ACOT7: variants seen among roughly 807,000 people sequenced by gnomAD.
The protein encoded by ACOT7 is cytosolic acyl coenzyme A thioester hydrolase.
A neutral mutation model predicts 40.2 loss-of-function variants in ACOT7; 12 were observed. The observed-to-expected ratio is 0.30, with a 90% CI of 0.19 to 0.48. The LOEUF (loss-of-function observed/expected upper bound fraction) is 0.48, where lower values mean the gene tolerates loss of function less well. Among genes scored for constraint, ACOT7 ranks in the 20% least tolerant of loss-of-function variants. The pLI is 0.99. For missense variants in ACOT7, 395 were observed against 530.8 expected (o/e 0.74, Z 2.51); for synonymous variants, 228 against 219.5 (o/e 1.04, Z -0.34).
At chr1:6,385,593 C>A in intron 1 of ACOT7, 1 of 1,612,224 alleles carries the variant, frequency 6.2e-7, no homozygotes, top group Non-Finnish European at 8.5e-7. Flanking sequence ...ACATCCCTGG[C>A]CAGCCACCAG....
At chr1:6,372,044 CAAA>C (rs35430188) in intron 1 of ACOT7, among the ~76,000 whole-genome samples, 7 of 130,338 alleles carry the variant, frequency 5.4e-5, no homozygotes, top group Admixed American at 8.0e-5. Flanking sequence ...AACTCTGTGT[CAAA>C]AAAAAAAAAA....
chr1:6,334,747 G>A (rs1333860277), intron 3 of ACOT7, among the ~76,000 whole-genome samples: 1 of 152,224 alleles, frequency 6.6e-6, no homozygotes, highest in Non-Finnish European at 1.5e-5. Flanking sequence ...AAGGAGCCTA[G>A]AGATCCCTGG....
chr1:6,360,602 G>A (rs774970129), intron 1 of ACOT7: 12 of 1,614,062 alleles, frequency 7.4e-6, no homozygotes, highest in South Asian at 2.2e-5. Flanking sequence ...AGGCCCTGTC[G>A]ACTTCCTTTC....
At chr1:6,308,874 A>T (rs1427924045) in intron 6 of ACOT7, among the ~76,000 whole-genome samples, 2 of 151,134 alleles carry the variant, frequency 1.3e-5, no homozygotes, top group Non-Finnish European at 3.0e-5. Context: ...CAGCCAGTAC[A>T]TCTCCCCAGA....
chr1:6,374,668 G>T (rs1642192851), intron 1 of ACOT7, among the ~76,000 whole-genome samples: 1 of 152,156 alleles, frequency 6.6e-6, no homozygotes, highest in Non-Finnish European at 1.5e-5. Context: ...ACACCCCTAG[G>T]TCACTGCGCC....
intron 8 of ACOT7, among the ~76,000 whole-genome samples, chr1:6,266,224 G>T (rs1638849015): frequency 6.6e-6 from 1 of 152,200 alleles, no homozygotes; most frequent in African/African-American, 2.4e-5. Context: ...ACCTGAAACA[G>T]TCCAGGGAAA....
intron 1 of ACOT7, among the ~76,000 whole-genome samples, chr1:6,386,817 C>G (rs553082106): frequency 9.8e-4 from 150 of 152,328 alleles, no homozygotes; most frequent in African/African-American, 3.4e-3. Context: ...CATGATTGCA[C>G]CACTGCACCA....
chr1:6,281,376 C>T (rs1280781837), intron 7 of ACOT7, 90 bp from the exon 8 acceptor site: 1 of 1,184,402 alleles, frequency 8.4e-7, no homozygotes, highest in Non-Finnish European at 1.2e-6. Flanking sequence ...CAGGCAGACA[C>T]TTGGTTAGGG....
chr1:6,314,684 T>C (rs1272623992), intron 6 of ACOT7, among the ~76,000 whole-genome samples: 2 of 152,086 alleles, frequency 1.3e-5, no homozygotes, highest in Admixed American at 6.6e-5. Context: ...ATGGAGTGAC[T>C]CACTCAGGAC....
chr1:6,382,762 C>T (rs2148481068), intron 1 of ACOT7, among the ~76,000 whole-genome samples: 1 of 151,962 alleles, frequency 6.6e-6, no homozygotes, highest in South Asian at 2.1e-4. Context: ...ACCGAGACTG[C>T]ACCACCACAT....
intron 2 of ACOT7, among the ~76,000 whole-genome samples, chr1:6,346,732 G>C (rs908960995): frequency 1.3e-5 from 2 of 152,230 alleles, no homozygotes; most frequent in Admixed American, 6.5e-5. Context: ...CTGCTGCAGT[G>C]ATCAGGTGAT....
At position 6,367,225 on chromosome 1, in the gene ACOT7, T is replaced by C. The variant is rs1052352314; in HGVS notation, c.144-17359A>G. ...AAAAAAAAAAAAAAAGTGGAGTCAG[T>C]CCTCTTAAAACCTATGTTGTTTTAT... On this transcript the variant is annotated intron_variant, in intron 1 of 8. Coordinates refer to ENST00000361521, the MANE Select transcript of ACOT7 (RefSeq NM_007274.4). 3.3e-4 allele frequency among the ~76,000 whole-genome samples: 50 copies of C among 151,450 alleles called. 1 individual carries two copies. The highest frequency in any genetic ancestry group is 1.3e-4 in the Non-Finnish European group (9 of 67,902).
At chr1:6,320,119 G>A (rs1027351480) in intron 5 of ACOT7, among the ~76,000 whole-genome samples, 12 of 152,226 alleles carry the variant, frequency 7.9e-5, no homozygotes, top group African/African-American at 2.9e-4. Context: ...CTTTGCCTCA[G>A]TTTCCTCAGC....
intron 7 of ACOT7, among the ~76,000 whole-genome samples, chr1:6,293,262 T>G (rs1571277915): frequency 6.6e-6 from 1 of 152,208 alleles, no homozygotes. Flanking sequence ...TCCTATGGAA[T>G]GCACGTTTCC....
intron 6 of ACOT7, among the ~76,000 whole-genome samples, chr1:6,309,142 G>T (rs763063289): frequency 6.6e-6 from 1 of 152,246 alleles, no homozygotes. Flanking sequence ...CTCGGCAGCA[G>T]AGGCCGAGTC....
At chr1:6,318,425 C>G (rs983324631) in intron 6 of ACOT7, 67 bp downstream of exon 6, 5 of 1,519,332 alleles carry the variant, frequency 3.3e-6, no homozygotes, top group African/African-American at 1.4e-5. Flanking sequence ...GACAGCAGCA[C>G]GGCTGCCAGA....
intron 1 of ACOT7, among the ~76,000 whole-genome samples, chr1:6,351,879 T>C (rs1484991611): frequency 6.6e-6 from 1 of 152,194 alleles, no homozygotes; most frequent in Non-Finnish European, 1.5e-5. Flanking sequence ...GACAGATATG[T>C]GGGTAGCCTT....
intron 8 of ACOT7, among the ~76,000 whole-genome samples, chr1:6,280,534 A>C (rs571412987): frequency 1.3e-5 from 2 of 152,176 alleles, no homozygotes; most frequent in East Asian, 3.9e-4. Flanking sequence ...CGCCCACCCC[A>C]CCTGCCCTGC....
At position 6,294,994 on chromosome 1, in the gene ACOT7, G is replaced by A; in HGVS notation, c.713-14C>T. ...TCATGGTCACACCTGCGGAGAAAGG[G>A]ACATGCGGCAGATGAGACACGGAGG... On this transcript the variant is annotated splice_polypyrimidine_tract_variant and intron_variant, in intron 6 of 8. Transcript: ENST00000361521. The surrounding 1 kb of genome is among the most constrained non-coding windows in gnomAD (Gnocchi z 4.6). The A allele has an allele frequency of 6.3e-7, 1 of 1,593,482 alleles. No homozygotes were observed. The highest frequency in any genetic ancestry group is 8.6e-7 in the Non-Finnish European group (1 of 1,161,868).
Sources: gnomAD v4.1 joint callset for allele counts (sites outside exome capture counted in the v4.1 genomes callset) on GRCh38, gnomAD v4.1.1 for gene constraint, Gnocchi (gnomAD v3.1) non-coding constraint, MANE v1.5 for transcripts, NCBI Gene and HGNC (gene_info 2026-07-23, HGNC 2026-07-21) for gene names.